Variants in ANKRD30BL observed in about 807,000 individuals in gnomAD.
ANKRD30BL encodes the protein ankyrin repeat domain 30B like, also known as putative ankyrin repeat domain-containing protein 30B-like.
In ANKRD30BL, 20 loss-of-function variants were observed where a neutral mutation model predicts 18.4. The ratio of observed to expected loss-of-function variants is 1.09; its 90% confidence interval spans 0.77 to 1.58. ANKRD30BL has a LOEUF of 1.58. Among genes scored for constraint, ANKRD30BL ranks in the 40% most tolerant of loss-of-function variants. The probability of loss-of-function intolerance (pLI) is 0.00; values close to 1 mark genes in which losing one functional copy is unlikely to be tolerated. For synonymous variants in ANKRD30BL, 72 were observed against 100.9 expected (o/e 0.71, Z 1.72); for missense variants, 224 against 268.6 (o/e 0.83, Z 1.16).
chr2:132,244,623 C>G (rs576824984), intron 1 of ANKRD30BL, among the ~76,000 whole-genome samples: 2 of 152,412 alleles, frequency 1.3e-5, no homozygotes, highest in East Asian at 3.9e-4. Context: ...TTCTCAGACA[C>G]TTCGTTGTGA....
intron 1 of ANKRD30BL, among the ~76,000 whole-genome samples, chr2:132,226,326 A>G (rs1298185664): frequency 2.7e-5 from 4 of 150,730 alleles, no homozygotes; most frequent in Non-Finnish European, 4.4e-5. Flanking sequence ...GAGCGCTTTG[A>G]GGCCTATGGT....
chr2:132,254,008 C>T (rs1236139776), intron 1 of ANKRD30BL, among the ~76,000 whole-genome samples: 1 of 151,784 alleles, frequency 6.6e-6, no homozygotes, highest in East Asian at 2.0e-4. Context: ...ATGACAGCCC[C>T]AGTGGGGAGG....
chr2:132,235,145 T>G (rs1379232596), intron 1 of ANKRD30BL, among the ~76,000 whole-genome samples: 1 of 152,176 alleles, frequency 6.6e-6, no homozygotes, highest in Non-Finnish European at 1.5e-5. Context: ...CAACACTTCA[T>G]GCTAAAATCT....
chr2:132,257,041 C>G (rs201793747), intron 1 of ANKRD30BL: 1 of 516,882 alleles, frequency 1.9e-6, no homozygotes, highest in African/African-American at 1.9e-5. Context: ...AGGGAGGTAC[C>G]GCAGCGACCC....
intron 1 of ANKRD30BL, among the ~76,000 whole-genome samples, chr2:132,204,436 T>C (rs551204055): frequency 7.8e-6 from 1 of 128,494 alleles, no homozygotes; most frequent in South Asian, 2.4e-4. Flanking sequence ...TCTATACTTA[T>C]ACTATATACA....
chr2:132,209,491 C>A (rs201481956), intron 1 of ANKRD30BL, among the ~76,000 whole-genome samples: 1 of 150,356 alleles, frequency 6.7e-6, no homozygotes, highest in African/African-American at 2.4e-5. Context: ...CGATTTGAGG[C>A]CTATGGAGGA....
At chr2:132,197,498 A>T (rs1038157201) in intron 1 of ANKRD30BL, among the ~76,000 whole-genome samples, 3 of 151,590 alleles carry the variant, frequency 2.0e-5, no homozygotes, top group Non-Finnish European at 4.4e-5. Flanking sequence ...ATTTCCTTCC[A>T]TTAGGTATGT....
rs143309943 is a variant in ANKRD30BL at position 132,185,092 on chromosome 2, G to A, written n.442-27946C>T. ...CTCCCAAAGTGCTGGGATTACAGGC[G>A]TGAGCCACTGCACCTGGCCCAAAAC... On this transcript the variant is annotated intron_variant and non_coding_transcript_variant, in intron 1 of 4. Coordinates refer to the ANKRD30BL transcript ENST00000470729. 4.0e-3 allele frequency among the ~76,000 whole-genome samples: 606 copies of A among 152,282 alleles called. 12 individuals are homozygous for A. The highest frequency in any genetic ancestry group is 0.014 in the African/African-American group (567 of 41,568).
At chr2:132,230,351 G>A (rs547889121) in intron 1 of ANKRD30BL, among the ~76,000 whole-genome samples, 1 of 150,004 alleles carries the variant, frequency 6.7e-6, no homozygotes, top group Non-Finnish European at 1.5e-5. Context: ...TATTTGTGAT[G>A]TGTACATTCA....
At chr2:132,179,107 T>C (rs59069902) in intron 1 of ANKRD30BL, among the ~76,000 whole-genome samples, 4,514 of 151,998 alleles carry the variant, frequency 0.03, 214 homozygotes, top group African/African-American at 0.1. Context: ...CCTAGTGATG[T>C]CATTGTCAAT....
At chr2:132,257,543 A>C in exon 1 of ANKRD30BL, 1 of 220,428 alleles carries the variant, frequency 4.5e-6, no homozygotes. Flanking sequence ...TCAAGGGGGA[A>C]GTGGAGGAGG....
rs184923298 is a variant in ANKRD30BL at position 132,198,530 on chromosome 2, A to G, written n.442-41384T>C. Among the ~76,000 whole-genome samples the G allele has an allele frequency of 7.4e-3, 1,120 of 151,058 alleles. 9 individuals carry two copies. The highest frequency in any genetic ancestry group is 0.024 in the African/African-American group (1,003 of 41,014). ...AGTAGAGACGGGGTTTCACTGTGTT[A>G]GCTAGGATGGTCTCCATCTCCTGAC... On this transcript the variant is annotated intron_variant and non_coding_transcript_variant, in intron 1 of 4. Coordinates refer to the ANKRD30BL transcript ENST00000470729.
intron 1 of ANKRD30BL, among the ~76,000 whole-genome samples, chr2:132,237,034 C>T (rs1246877725): frequency 6.6e-6 from 1 of 151,386 alleles, no homozygotes; most frequent in Admixed American, 6.6e-5. Context: ...AACAAAAAAC[C>T]AAACACTGCA....
At chr2:132,224,278 G>C (rs1679781195) in intron 1 of ANKRD30BL, among the ~76,000 whole-genome samples, 2 of 152,106 alleles carry the variant, frequency 1.3e-5, no homozygotes, top group South Asian at 4.1e-4. Flanking sequence ...GGAGATCTTT[G>C]AGGCCTATTG....
chr2:132,157,260 G>A, intron 2 of ANKRD30BL, 49 bp downstream of exon 2: 1 of 921,242 alleles, frequency 1.1e-6, no homozygotes, highest in South Asian at 1.6e-5. Flanking sequence ...TTTATTCTAT[G>A]TATTTAAACC....
chr2:132,176,320 G>A (rs1186954860), intron 1 of ANKRD30BL, among the ~76,000 whole-genome samples: 1 of 151,786 alleles, frequency 6.6e-6, no homozygotes, highest in Non-Finnish European at 1.5e-5. Flanking sequence ...AGGAGGTCAG[G>A]AGTTCAAGAC....
chr2:132,204,050 A>T (rs1679161482), intron 1 of ANKRD30BL, among the ~76,000 whole-genome samples: 5 of 152,240 alleles, frequency 3.3e-5, no homozygotes. Context: ...AGAGGAAGTT[A>T]TCTGGTGCTC....
At chr2:132,251,575 G>A (rs1004012823) in intron 1 of ANKRD30BL, among the ~76,000 whole-genome samples, 1 of 152,062 alleles carries the variant, frequency 6.6e-6, no homozygotes, top group African/African-American at 2.4e-5. Flanking sequence ...TATTTTTAAA[G>A]GGAAAAAACA....
chr2:132,151,043 T>G (rs970950067), intron 4 of ANKRD30BL, 67 bp from the exon 5 acceptor site: 1 of 504,654 alleles, frequency 2.0e-6, no homozygotes, highest in African/African-American at 2.0e-5. Context: ...TTTACCAAAT[T>G]TATTACATTC....
Sources: gnomAD v4.1 joint callset for allele counts (sites outside exome capture counted in the v4.1 genomes callset) on GRCh38, gnomAD v4.1.1 for gene constraint, MANE v1.5 for transcripts, NCBI Gene and HGNC (gene_info 2026-07-23, HGNC 2026-07-21) for gene names.